ART3: variants seen among roughly 807,000 people sequenced by gnomAD.
ART3 encodes ecto-ADP-ribosyltransferase 3.
A neutral mutation model predicts 48.5 loss-of-function variants in ART3; 49 were observed. The ratio of observed to expected loss-of-function variants is 1.01; its 90% CI spans 0.80 to 1.28. The LOEUF (loss-of-function observed/expected upper bound fraction) is 1.28, where lower values mean the gene tolerates loss of function less well. Ranked by LOEUF, ART3 falls within the 50% of genes most tolerant of loss-of-function variation. The pLI is 0.00. For synonymous variants in ART3, 145 were observed against 157.2 expected, an observed-to-expected ratio of 0.92 and a Z score of 0.58; for missense variants, 438 against 454.3, an observed-to-expected ratio of 0.96 and a Z score of 0.33.
intron 1 of ART3, among the ~76,000 whole-genome samples, chr4:76,050,219 G>A (rs1403529884): frequency 6.6e-6 from 1 of 152,050 alleles, no homozygotes; most frequent in Non-Finnish European, 1.5e-5. Context: ...TGCTGGCTCG[G>A]GCAGCCTGCT....
Position 76,017,930 on chromosome 4 carries a change from G to A in ART3, c.-10+6610G>A, listed in dbSNP as rs75553775. Among the ~76,000 whole-genome samples the A allele has an allele frequency of 9.5e-3, 1,446 of 152,354 alleles. 22 individuals are homozygous for A. Among genetic ancestry groups the A allele is most frequent in the African/African-American group, 0.034 (1,400 of 41,570 alleles). ...TGCCTCATGGCCACTGCCAGGGGAA[G>A]GGAGAGGGGTGGCATTGGCCATTCA... On this transcript the variant is annotated intron_variant, in intron 1 of 9. Transcript: ENST00000341029.
chr4:76,017,797 A>G (rs943170534), intron 1 of ART3, among the ~76,000 whole-genome samples: 1 of 152,144 alleles, frequency 6.6e-6, no homozygotes, highest in African/African-American at 2.4e-5. Flanking sequence ...TTGCCTGGGG[A>G]TGGTCTAAAT....
intron 1 of ART3, among the ~76,000 whole-genome samples, chr4:76,052,732 T>TTTA (rs1560599868): frequency 2.0e-5 from 3 of 150,454 alleles, no homozygotes; most frequent in Non-Finnish European, 4.4e-5. Context: ...TTTTTTTTTT[T>TTTA]AAGACAGAGT....
At chr4:76,047,556 T>A (rs1199691461) in intron 1 of ART3, among the ~76,000 whole-genome samples, 1 of 151,988 alleles carries the variant, frequency 6.6e-6, no homozygotes, top group East Asian at 1.9e-4. Flanking sequence ...GCGGATATCA[T>A]TGAATAATTC....
intron 6 of ART3, 93 bp from the exon 7 acceptor site, chr4:76,100,702 C>A: frequency 7.2e-7 from 1 of 1,389,344 alleles, no homozygotes; most frequent in Non-Finnish European, 1.0e-6. Context: ...GGAATATTTT[C>A]ATATTTCTTG....
intron 3 of ART3, among the ~76,000 whole-genome samples, chr4:76,084,084 A>G (rs1202549593): frequency 6.6e-6 from 1 of 152,124 alleles, no homozygotes; most frequent in African/African-American, 2.4e-5. Context: ...ATATCCAATC[A>G]GTAATTCACC....
intron 1 of ART3, chr4:76,034,621 C>A: frequency 1.6e-6 from 1 of 634,930 alleles, no homozygotes; most frequent in South Asian, 1.9e-5. Flanking sequence ...TGTTTTTGGT[C>A]CTTTCACCCA....
upstream of ART3, among the ~76,000 whole-genome samples, chr4:76,071,627 T>C (rs550168420): frequency 6.6e-6 from 1 of 152,332 alleles, no homozygotes; most frequent in East Asian, 1.9e-4. Flanking sequence ...AATCCAATGG[T>C]CAGTTCTCAG....
At chr4:76,093,737 T>C (rs1480201301) in intron 3 of ART3, among the ~76,000 whole-genome samples, 1 of 152,260 alleles carries the variant, frequency 6.6e-6, no homozygotes, top group Non-Finnish European at 1.5e-5. Context: ...CTAATCTTTT[T>C]TCTTCAGTGT....
intron 1 of ART3, among the ~76,000 whole-genome samples, chr4:76,065,703 C>A (rs1320412542): frequency 6.6e-6 from 1 of 151,138 alleles, no homozygotes; most frequent in Non-Finnish European, 1.5e-5. Context: ...TAGGATTTGT[C>A]CACAAATATA....
At chr4:76,062,685 C>G (rs1434956301) in intron 1 of ART3, among the ~76,000 whole-genome samples, 1 of 151,148 alleles carries the variant, frequency 6.6e-6, no homozygotes. Flanking sequence ...CTCAGCCTCC[C>G]GAGTAGCTGG....
At chr4:76,039,827 A>G (rs1734776931) in intron 1 of ART3, among the ~76,000 whole-genome samples, 1 of 152,180 alleles carries the variant, frequency 6.6e-6, no homozygotes. Flanking sequence ...AAATTTACAT[A>G]AAACAAGACT....
chr4:76,036,927 C>G (rs1734474408), intron 1 of ART3: 3 of 198,278 alleles, frequency 1.5e-5, no homozygotes, highest in South Asian at 2.6e-4. Context: ...TGAAGCCACA[C>G]ACCTCTGGGA....
At chr4:76,105,875 A>G in intron 10 of ART3, 1 of 985,446 alleles carries the variant, frequency 1.0e-6, no homozygotes. Flanking sequence ...TAGAAATAGC[A>G]TCATCCAAGA....
intron 3 of ART3, among the ~76,000 whole-genome samples, chr4:76,093,774 G>A (rs1023251492): frequency 1.5e-4 from 23 of 152,142 alleles, no homozygotes; most frequent in African/African-American, 5.6e-4. Flanking sequence ...TCTATCTGGT[G>A]TATTTTTCAT....
chr4:76,105,399 T>G (rs1391118476), intron 10 of ART3: 1 of 891,334 alleles, frequency 1.1e-6, no homozygotes, highest in Admixed American at 3.8e-5. Flanking sequence ...TGAGGAAAGC[T>G]TCTGTCTTGC....
chr4:76,029,080 T>C (rs1478812247), intron 1 of ART3, among the ~76,000 whole-genome samples: 1 of 152,260 alleles, frequency 6.6e-6, no homozygotes, highest in Non-Finnish European at 1.5e-5. Flanking sequence ...TGTGATACTT[T>C]GTTCCATTTT....
chr4:76,104,670 T>G, intron 10 of ART3, 41 bp downstream of exon 10: 1 of 1,550,438 alleles, frequency 6.4e-7, no homozygotes, highest in Non-Finnish European at 8.7e-7. Flanking sequence ...ACATGCCAGT[T>G]TGGGGAGTAC....
intron 3 of ART3, among the ~76,000 whole-genome samples, chr4:76,097,266 A>G (rs1258411488): frequency 6.6e-6 from 1 of 152,102 alleles, no homozygotes; most frequent in African/African-American, 2.4e-5. Context: ...GTGTAGTAGC[A>G]TGATCACAGC....
Sources: allele counts gnomAD v4.1 joint callset (sites outside exome capture counted in the v4.1 genomes callset), GRCh38; gene constraint gnomAD v4.1.1; transcripts MANE v1.5; gene names NCBI Gene and HGNC (gene_info 2026-07-23, HGNC 2026-07-21).